HPF1: variants seen among roughly 807,000 people sequenced by gnomAD.
The protein encoded by HPF1 is histone PARylation factor 1.
HPF1 carries 35 observed loss-of-function variants against 38.8 expected under a neutral mutation model. That is an observed-to-expected ratio of 0.90 (90% CI 0.69 to 1.19). HPF1 has a LOEUF of 1.19. HPF1 is among the 50% of genes most tolerant of loss of function. The pLI, the probability that HPF1 is intolerant of heterozygous loss-of-function variation, is 0.00. For missense variants in HPF1, 367 were observed against 405.8 expected (o/e 0.90, Z 0.82); for synonymous variants, 115 against 139.2 (o/e 0.83, Z 1.22).
In HPF1 at chr4:169,729,486, G is replaced by A. The variant is rs2150287658; in HGVS notation, c.*92C>T. ...AACCTTATAAACGTTTTTAGTAAAT[G>A]TTTATTTTTTGTATTCCTTAAAAAC... On this transcript the variant is annotated 3_prime_UTR_variant, in exon 8 of 8. Coordinates refer to ENST00000393381, the MANE Select transcript of HPF1 (RefSeq NM_017867.3). 1 of 1,131,138 alleles carries A rather than the reference G, an allele frequency of 8.8e-7. No homozygotes were observed. The highest frequency in any genetic ancestry group is 2.9e-5 in the East Asian group (1 of 34,606). The allele number at this position is 1,131,138 out of a possible 1,614,324, so 70.1% of individuals were successfully genotyped here.
At chr4:169,741,263 G>C (rs964587807) in intron 5 of HPF1, among the ~76,000 whole-genome samples, 1 of 152,164 alleles carries the variant, frequency 6.6e-6, no homozygotes, top group African/African-American at 2.4e-5. Flanking sequence ...AGAACATTCA[G>C]ATGAACCAGC....
intron 5 of HPF1, among the ~76,000 whole-genome samples, chr4:169,739,004 A>AG (rs980458374): frequency 2.3e-5 from 3 of 130,372 alleles, no homozygotes; most frequent in Non-Finnish European, 5.0e-5. Flanking sequence ...TGGGGGGAGG[A>AG]GGGAGGGATA....
chr4:169,753,032 T>TTTG (rs1553979710), intron 2 of HPF1, among the ~76,000 whole-genome samples: 1 of 144,208 alleles, frequency 6.9e-6, no homozygotes, highest in Non-Finnish European at 1.5e-5. Context: ...GGTTAGGTTT[T>TTTG]TTTTTTTTTT....
intron 1 of HPF1, 34 bp downstream of exon 1, chr4:169,757,796 C>T (rs1734209314): frequency 1.3e-6 from 2 of 1,544,894 alleles, no homozygotes; most frequent in African/African-American, 2.7e-5. Context: ...ACCCAAAGCG[C>T]CCCGCGTAGC....
intron 6 of HPF1, among the ~76,000 whole-genome samples, chr4:169,733,233 G>C (rs1296371987): frequency 6.6e-6 from 1 of 152,202 alleles, no homozygotes; most frequent in African/African-American, 2.4e-5. Flanking sequence ...TTTACCTAAA[G>C]AATATATTTT....
intron 7 of HPF1, among the ~76,000 whole-genome samples, chr4:169,730,976 A>G (rs1282530053): frequency 2.0e-5 from 3 of 152,208 alleles, no homozygotes; most frequent in Admixed American, 2.0e-4. Context: ...GAATTAAATG[A>G]TCTGCGTGTG....
chr4:169,748,208 TG>T (rs1176863131), intron 4 of HPF1, among the ~76,000 whole-genome samples: 1 of 152,228 alleles, frequency 6.6e-6, no homozygotes, highest in Non-Finnish European at 1.5e-5. Flanking sequence ...GATGTTGCCA[TG>T]GAACACCTGA....
In HPF1 at chr4:169,748,729, TTAAAA is replaced by T; in HGVS notation, c.497+10_497+14del. The stretch of plus-strand genomic sequence containing the variant: ...TATAAACATTGTAAACAAATATAAA[TTAAAA>T]TATTCTTACTTGACTGCAGCAAATA... On this transcript the variant is annotated intron_variant, in intron 4 of 7. Coordinates refer to ENST00000393381, the MANE Select transcript of HPF1 (RefSeq NM_017867.3). 8.3e-7 allele frequency: 1 copy of T among 1,201,724 alleles called. No homozygotes were observed. 74.4% of individuals were successfully genotyped at this position (1,201,724 alleles called of 1,614,324 possible). A position where few individuals can be genotyped will look rare whatever the true frequency, so the allele number is the denominator to read the frequency against.
intron 4 of HPF1, among the ~76,000 whole-genome samples, chr4:169,745,730 T>C (rs1439335431): frequency 1.3e-5 from 2 of 152,230 alleles, no homozygotes; most frequent in Non-Finnish European, 2.9e-5. Context: ...CTTGAACTCC[T>C]GGGCTCGAGC....
intron 6 of HPF1, among the ~76,000 whole-genome samples, chr4:169,737,393 C>G (rs1159811258): frequency 6.6e-6 from 1 of 151,858 alleles, no homozygotes; most frequent in Non-Finnish European, 1.5e-5. Flanking sequence ...CCACAAATTC[C>G]TTTATGAAGT....
intron 1 of HPF1, among the ~76,000 whole-genome samples, chr4:169,755,666 A>G (rs1734179894): frequency 1.3e-5 from 2 of 152,236 alleles, no homozygotes; most frequent in Non-Finnish European, 2.9e-5. Context: ...TAATGAGGAA[A>G]AAAGCTCTTG....
rs913195278 is a variant in HPF1, at chr4:169,732,448, A to AT, written c.737-573dup. 4.6e-5 allele frequency among the ~76,000 whole-genome samples: 7 copies of AT among 152,224 alleles called. No homozygotes were observed. The East Asian group carries it at 7.7e-4, about 17-fold the overall frequency. On this transcript the variant is annotated intron_variant, in intron 6 of 7. Coordinates refer to ENST00000393381, the MANE Select transcript of HPF1 (RefSeq NM_017867.3). ...GCCACTGGGCCCAGATACAGTCATG[A>AT]TTTTTTTAAAAAGTCTATTCCATGG...
intron 5 of HPF1, among the ~76,000 whole-genome samples, chr4:169,738,711 T>C (rs892000280): frequency 2.0e-5 from 3 of 152,262 alleles, no homozygotes; most frequent in Non-Finnish European, 2.9e-5. Flanking sequence ...CATTGTCTTC[T>C]ATCTTAATCT....
At chr4:169,754,642 ATTCT>A (rs1223104206) in intron 1 of HPF1, among the ~76,000 whole-genome samples, 2 of 151,902 alleles carry the variant, frequency 1.3e-5, no homozygotes, top group Admixed American at 6.6e-5. Context: ...ATGAACCTAG[ATTCT>A]TTCTTTTTGG....
At chr4:169,741,385 T>C (rs1484413721) in intron 5 of HPF1, among the ~76,000 whole-genome samples, 2 of 152,104 alleles carry the variant, frequency 1.3e-5, no homozygotes, top group African/African-American at 4.8e-5. Context: ...CAAACTCCTA[T>C]AGAATTCTCA....
At chr4:169,731,898 A>C (rs759659342) in intron 6 of HPF1, 22 bp from the exon 7 acceptor site, 26 of 1,571,914 alleles carry the variant, frequency 1.7e-5, no homozygotes. Context: ...CAATAATATA[A>C]AAGATTATCT....
At chr4:169,749,273 GGAAT>G (rs1370570372) in intron 3 of HPF1, among the ~76,000 whole-genome samples, 1 of 152,132 alleles carries the variant, frequency 6.6e-6, no homozygotes, top group Non-Finnish European at 1.5e-5. Flanking sequence ...TAGTAGATAT[GGAAT>G]GAATGTTTTC....
At chr4:169,733,041 T>C (rs1189903261) in intron 6 of HPF1, among the ~76,000 whole-genome samples, 17 of 152,110 alleles carry the variant, frequency 1.1e-4, no homozygotes, top group Admixed American at 9.8e-4. Context: ...TCCTACCTTG[T>C]TTGCTAAAAA....
At chr4:169,737,219 G>A (rs1301340558) in intron 6 of HPF1, among the ~76,000 whole-genome samples, 2 of 151,108 alleles carry the variant, frequency 1.3e-5, no homozygotes, top group Non-Finnish European at 2.9e-5. Context: ...GAACCTGGGA[G>A]GCGGAGGTTG....
Sources: allele counts gnomAD v4.1 joint callset (sites outside exome capture counted in the v4.1 genomes callset), GRCh38; gene constraint gnomAD v4.1.1; transcripts MANE v1.5; gene names NCBI Gene and HGNC (gene_info 2026-07-23, HGNC 2026-07-21).